LRP1: variants seen among roughly 807,000 people sequenced by gnomAD.
LRP1 encodes the protein LDL receptor related protein 1.
In LRP1, 51 loss-of-function variants were observed where a neutral mutation model predicts 541.5. The observed-to-expected ratio is 0.09, with a 90% CI of 0.08 to 0.12. The LOEUF is 0.12. Ranked by LOEUF, LRP1 falls within the 10% of genes least tolerant of loss-of-function variation. The pLI is 1.00. For missense variants in LRP1, 3,878 were observed against 6,376.2 expected (o/e 0.61, Z 13.34); for synonymous variants, 2,219 against 2,470.8 (o/e 0.90, Z 3.02).
chr12:57,156,387 C>A lies in LRP1; in HGVS notation c.1417+104C>A. 1.7e-6 allele frequency: 2 copies of A among 1,201,928 alleles called. No individual in the cohort carries two copies. Among genetic ancestry groups the A allele is most frequent in the Non-Finnish European group, 2.3e-6 (2 of 872,316 alleles). 74.5% of individuals were successfully genotyped at this position (1,201,928 alleles called of 1,614,324 possible). A position where few individuals can be genotyped will look rare whatever the true frequency, so the allele number is the denominator to read the frequency against. ...CTGGGCCCTCCTGTGGGGACCCTGGCTTCTTTCATGTCATGACCGATTCTC... is the reference window on the plus strand; with the variant it reads ...CTGGGCCCTCCTGTGGGGACCCTGGATTCTTTCATGTCATGACCGATTCTC... On this transcript the variant is annotated intron_variant, in intron 9 of 88. Coordinates refer to ENST00000243077, the MANE Select transcript of LRP1 (RefSeq NM_002332.3). The surrounding 1 kb of genome is among the most constrained non-coding windows in gnomAD (Gnocchi z 5.2).
At chr12:57,135,218 G>C (rs548997271) in intron 1 of LRP1, among the ~76,000 whole-genome samples, 1 of 152,326 alleles carries the variant, frequency 6.6e-6, no homozygotes, top group East Asian at 1.9e-4. Context: ...AGCTCCCATC[G>C]GTCAGGGAGA....
At chr12:57,195,226 T>C (rs2036504183) in intron 51 of LRP1, 45 bp from the exon 52 acceptor site, 14 of 1,606,416 alleles carry the variant, frequency 8.7e-6, no homozygotes, top group Admixed American at 1.7e-5. Context: ...CTAGACCTGA[T>C]CTACCCGCTC....
chr12:57,130,854 C>T lies in LRP1; in HGVS notation c.67+1823C>T, dbSNP rs114165359. On this transcript the variant is annotated intron_variant, in intron 1 of 88. Transcript: ENST00000243077. ...TACCCTTTCTTAAAATGTTCACCCA[C>T]GCCCCCTCTGTATCTCCAGCTCAGA... Among the ~76,000 whole-genome samples the T allele has an allele frequency of 3.0e-3, 464 of 152,256 alleles. 3 individuals carry two copies. The highest frequency in any genetic ancestry group is 0.011 in the African/African-American group (444 of 41,530).
In LRP1 at chr12:57,206,076, C is replaced by T. The variant is rs895329818; in HGVS notation, c.11591-397C>T. Among the ~76,000 whole-genome samples, 2 of 152,214 alleles carry T rather than the reference C, an allele frequency of 1.3e-5. No homozygotes were observed. The highest frequency in any genetic ancestry group is 2.9e-5 in the Non-Finnish European group (2 of 68,026). On this transcript the variant is annotated intron_variant, in intron 75 of 88. Coordinates refer to ENST00000243077, the MANE Select transcript of LRP1 (RefSeq NM_002332.3). The surrounding 1 kb of genome is among the most constrained non-coding windows in gnomAD (Gnocchi z 4.7). ...CACACCCCTGGCACACACACCCCCA[C>T]CATGCACTCCCATGCACACCCTCGT...
chr12:57,139,693 A>G (rs2035247331), intron 2 of LRP1, among the ~76,000 whole-genome samples: 1 of 152,122 alleles, frequency 6.6e-6, no homozygotes, highest in Non-Finnish European at 1.5e-5. Flanking sequence ...TGATGAGCCC[A>G]CCTCCCACCC....
chr12:57,186,008 C>A (rs1211394080), intron 41 of LRP1, 100 bp downstream of exon 41: 1 of 1,351,652 alleles, frequency 7.4e-7, no homozygotes, highest in Non-Finnish European at 9.9e-7. Flanking sequence ...AGGTCTGAAT[C>A]CCAGCAGCTA....
rs2036766349 is a variant in LRP1, at chr12:57,205,825, G to A, written c.11590+148G>A. The A allele has an allele frequency of 8.0e-7, 1 of 1,246,614 alleles. No individual in the cohort carries two copies. Among genetic ancestry groups the A allele is most frequent in the East Asian group, 2.5e-5 (1 of 39,412 alleles). 77.2% of individuals were successfully genotyped at this position (1,246,614 alleles called of 1,614,324 possible). ...TCATAGTTGCAGCTGCCTGAGCACA[G>A]TGCTGGCCCAGCAGTGGGGGCAGGT... On this transcript the variant is annotated intron_variant, in intron 75 of 88. Coordinates refer to ENST00000243077, the MANE Select transcript of LRP1 (RefSeq NM_002332.3). The surrounding 1 kb of genome is among the most constrained non-coding windows in gnomAD (Gnocchi z 4.6).
rs2035671873 is a variant in LRP1, at chr12:57,158,711, C to G, written c.1798+73C>G. 1 of 1,385,856 alleles carries G rather than the reference C, an allele frequency of 7.2e-7. No homozygotes were observed. Among genetic ancestry groups the G allele is most frequent in the South Asian group, 1.2e-5 (1 of 83,842 alleles). 85.8% of individuals were successfully genotyped at this position (1,385,856 alleles called of 1,614,324 possible). The stretch of plus-strand genomic sequence containing the variant: ...GCCCAGGCATCTGTTTCTCGGTGCC[C>G]TCTCAGCAGGATGGTCCCCTGCTGA... On this transcript the variant is annotated intron_variant, in intron 11 of 88. Transcript: ENST00000243077. The surrounding 1 kb of genome is among the most constrained non-coding windows in gnomAD (Gnocchi z 5.3).
At chr12:57,129,091 T>C in intron 1 of LRP1, 60 bp downstream of exon 1, 1 of 1,472,536 alleles carries the variant, frequency 6.8e-7, no homozygotes, top group Non-Finnish European at 9.3e-7. Flanking sequence ...CAGCCCCCAC[T>C]CCTGCATACG....
Position 57,193,204 on chromosome 12 carries a change from T to A in LRP1, c.7584T>A (p.Asp2528Glu), listed in dbSNP as rs2036453934. Reference protein sequence around the residue: ...RAVNSSCRAQDEFECANGECI... With the variant: ...RAVNSSCRAQEEFECANGECI... ...TGAATTCCTCTTGCCGAGCACAAGA[T>A]GAGTTTGAGTGTGCCAATGGCGAGT... The change falls in exon 46 of 89, where the codon GAT becomes GAA. Residue 2528 changes from aspartate to glutamate, a missense_variant. By Grantham distance (45) the Asp-to-Glu change is conservative. Around this residue, in one of 13 missense-constraint regions of LRP1, gnomAD observed 1,100 missense variants for 1,827.4 expected, o/e 0.60. Transcript: ENST00000243077. The A allele has an allele frequency of 2.5e-6, 4 of 1,614,010 alleles. No homozygotes were observed. Among genetic ancestry groups the A allele is most frequent in the Admixed American group, 3.3e-5 (2 of 60,006 alleles).
intron 1 of LRP1, among the ~76,000 whole-genome samples, chr12:57,137,612 A>G (rs989482282): frequency 1.3e-5 from 2 of 152,130 alleles, no homozygotes; most frequent in African/African-American, 4.8e-5. Flanking sequence ...CATGGCCAAC[A>G]TGGTGAAACC....
In LRP1 at chr12:57,210,158, C is replaced by A. The variant is rs1303014722; in HGVS notation, c.12569C>A (p.Pro4190His). The change falls in exon 81 of 89, where the codon CCC becomes CAC. Residue 4190 changes from proline to histidine, a missense_variant. Physicochemically the swap from Pro to His is moderately conservative, Grantham distance 77 (BLOSUM62 -2). Around this residue, in one of 13 missense-constraint regions of LRP1, gnomAD observed 871 missense variants for 1,212.4 expected, o/e 0.72. Transcript: ENST00000243077. Reference protein sequence around the residue: ...GTCVPVPSPTPPPDAPRPGTC... With the variant: ...GTCVPVPSPTHPPDAPRPGTC... ...TGCGTGCCTGTGCCCTCTCCAACGC[C>A]CCCCCCAGATGGTATGCTTATGCCC... is the stretch of plus-strand genomic sequence containing the variant. 13 of 1,600,522 alleles carry A rather than the reference C, an allele frequency of 8.1e-6. No individual in the cohort carries two copies. Among genetic ancestry groups the A allele is most frequent in the Non-Finnish European group, 1.1e-5 (13 of 1,173,156 alleles).
chr12:57,205,093 C>G lies in LRP1; in HGVS notation c.11195-16C>G. On this transcript the variant is annotated splice_polypyrimidine_tract_variant and intron_variant, in intron 72 of 88. Coordinates refer to ENST00000243077, the MANE Select transcript of LRP1 (RefSeq NM_002332.3). The surrounding 1 kb of genome is among the most constrained non-coding windows in gnomAD (Gnocchi z 4.6). Reference sequence around the variant, plus strand: ...AGGGGAGAATACCCAGGGCCTAAAGCCTCTGCCCTCCTCAGAGCCCCCCAC... The same window carrying G: ...AGGGGAGAATACCCAGGGCCTAAAGGCTCTGCCCTCCTCAGAGCCCCCCAC... 2 of 1,609,146 alleles carry G rather than the reference C, an allele frequency of 1.2e-6. No homozygotes were observed. Among genetic ancestry groups the G allele is most frequent in the Non-Finnish European group, 1.7e-6 (2 of 1,177,192 alleles).
Position 57,162,015 on chromosome 12 carries a change from G to T in LRP1, c.2203-302G>T, listed in dbSNP as rs1054420309. On this transcript the variant is annotated intron_variant, in intron 13 of 88. Transcript: ENST00000243077. The surrounding 1 kb of genome is among the most constrained non-coding windows in gnomAD (Gnocchi z 5.2). ...CGCATATGAGTGTGTGTGTGTGTGTGTGCACGTATGTGTGCGTGTGTGTGT... is the reference window on the plus strand; with the variant it reads ...CGCATATGAGTGTGTGTGTGTGTGTTTGCACGTATGTGTGCGTGTGTGTGT... Among the ~76,000 whole-genome samples the T allele has an allele frequency of 3.9e-5, 6 of 151,956 alleles. No homozygotes were observed. The highest frequency in any genetic ancestry group is 7.4e-5 in the Non-Finnish European group (5 of 68,010).
chr12:57,142,516 G>A (rs1812875304), intron 3 of LRP1, among the ~76,000 whole-genome samples: 1 of 152,146 alleles, frequency 6.6e-6, no homozygotes, highest in Non-Finnish European at 1.5e-5. Context: ...AAGCTCCTGG[G>A]ACGGGATGCA....
rs546969654 is a variant in LRP1, at chr12:57,200,680, G to A, written c.10109-19G>A. ...TGTCCACCCCAGCCGCTCTGACTCT[G>A]AGCCTCCCTCTCTGGCAGCTGAGTT... On this transcript the variant is annotated intron_variant, in intron 63 of 88. Coordinates refer to ENST00000243077, the MANE Select transcript of LRP1 (RefSeq NM_002332.3). The A allele has an allele frequency of 6.2e-7, 1 of 1,607,992 alleles. No homozygotes were observed. Among genetic ancestry groups the A allele is most frequent in the East Asian group, 2.2e-5 (1 of 44,852 alleles).
chr12:57,141,950 G>A (rs372256928), intron 3 of LRP1, among the ~76,000 whole-genome samples: 1 of 152,142 alleles, frequency 6.6e-6, no homozygotes, highest in Non-Finnish European at 1.5e-5. Flanking sequence ...CCGCCCCTAC[G>A]GGTGCCCTAG....
Position 57,185,730 on chromosome 12 carries a change from T to C in LRP1, c.6663T>C (p.Asn2221=). The C allele has an allele frequency of 6.2e-7, 1 of 1,614,206 alleles. No individual in the cohort carries two copies. The highest frequency in any genetic ancestry group is 8.5e-7 in the Non-Finnish European group (1 of 1,180,032). The stretch of plus-strand genomic sequence containing the variant: ...ACCTGTCGGATGAGCGCAACCTCAA[T>C]GCGCCCGTGCAGCCCTTCGAGGACC... The part of the protein sequence containing the change: ...SIHLSDERNL[N]APVQPFEDPE... The change falls in exon 41 of 89, where the codon AAT becomes AAC. Residue 2221 remains asparagine, a synonymous_variant. Transcript: ENST00000243077. This position sits in a 1 kb window ranked among gnomAD's most constrained non-coding sequence, Gnocchi z 4.9.
intron 44 of LRP1, among the ~76,000 whole-genome samples, chr12:57,192,058 GCACACA>G (rs975997216): frequency 2.9e-5 from 2 of 69,534 alleles, no homozygotes; most frequent in African/African-American, 1.1e-4. Context: ...ACACCACACA[GCACACA>G]CACACACCAC....
Sources: allele counts gnomAD v4.1 joint callset (sites outside exome capture counted in the v4.1 genomes callset), GRCh38; gene constraint gnomAD v4.1.1; regional missense constraint gnomAD v4.1.1; non-coding constraint Gnocchi (gnomAD v3.1); transcripts MANE v1.5; gene names NCBI Gene and HGNC (gene_info 2026-07-23, HGNC 2026-07-21).